TBC1D14: variants seen among roughly 807,000 people sequenced by gnomAD.
TBC1D14 encodes the protein TBC1 domain family member 14.
A neutral mutation model predicts 79.0 loss-of-function variants in TBC1D14; 26 were observed. The ratio of observed to expected loss-of-function variants is 0.33; its 90% confidence interval spans 0.24 to 0.46. The LOEUF (loss-of-function observed/expected upper bound fraction) is 0.46. Ranked by LOEUF, TBC1D14 falls within the 20% of genes least tolerant of loss-of-function variation. TBC1D14 has a pLI of 1.00. For synonymous variants in TBC1D14, 394 were observed against 349.9 expected (o/e 1.13, Z -1.40); for missense variants, 769 against 887.6 (o/e 0.87, Z 1.70).
chr4:6,938,896 C>G (rs1217803434), intron 2 of TBC1D14, among the ~76,000 whole-genome samples: 1 of 152,220 alleles, frequency 6.6e-6, no homozygotes, highest in Non-Finnish European at 1.5e-5. Context: ...CAGCCGCACT[C>G]TGAAGAGTAT....
chr4:6,947,648 T>G, intron 2 of TBC1D14, among the ~76,000 whole-genome samples: 1 of 131,356 alleles, frequency 7.6e-6, no homozygotes, highest in African/African-American at 2.8e-5. Flanking sequence ...GGCAGCAGAG[T>G]GAGATTCCGT....
intron 5 of TBC1D14, among the ~76,000 whole-genome samples, chr4:6,996,629 T>C (rs968059713): frequency 3.9e-5 from 6 of 152,024 alleles, no homozygotes; most frequent in Non-Finnish European, 7.4e-5. Flanking sequence ...GGGGGGATGT[T>C]GAGGCAGGCA....
At chr4:6,956,091 T>A (rs138910741) in intron 2 of TBC1D14, among the ~76,000 whole-genome samples, 1,811 of 152,314 alleles carry the variant, frequency 0.012, 16 homozygotes, top group Middle Eastern at 0.037. Context: ...GGTACCCACT[T>A]CCATGAGCTT....
intron 3 of TBC1D14, among the ~76,000 whole-genome samples, chr4:6,977,896 C>CTG: frequency 6.6e-6 from 1 of 151,526 alleles, no homozygotes; most frequent in African/African-American, 2.4e-5. Flanking sequence ...CCCTGCCGCC[C>CTG]CGTCTGGGAT....
At chr4:7,001,487 C>T (rs535077261) in intron 7 of TBC1D14, 6 of 490,002 alleles carry the variant, frequency 1.2e-5, no homozygotes, top group Non-Finnish European at 2.2e-5. Context: ...GCTTGGAAGA[C>T]AGGGCTTAGA....
Position 6,953,552 on chromosome 4 carries a change from A to AC in TBC1D14, c.723-13748dup, listed in dbSNP as rs1214233447. ...AGGCTGAGGCAGGAGAATGGCGTGA[A>AC]CCCCAGGGGGCGGAGCCTGCAGTGA... On this transcript the variant is annotated intron_variant, in intron 2 of 13. Coordinates refer to ENST00000409757, the MANE Select transcript of TBC1D14 (RefSeq NM_020773.3). 3.7e-5 allele frequency among the ~76,000 whole-genome samples: 5 copies of AC among 134,366 alleles called. No individual in the cohort carries two copies. The East Asian group carries it at 6.6e-4, about 18-fold the overall frequency. The allele number at this position is 134,366 out of a possible 152,430, so 88.1% of individuals were successfully genotyped here.
intron 3 of TBC1D14, among the ~76,000 whole-genome samples, chr4:6,991,743 C>CT (rs1718512971): frequency 6.6e-6 from 1 of 152,092 alleles, no homozygotes; most frequent in Non-Finnish European, 1.5e-5. Flanking sequence ...GGAGCAGCCC[C>CT]TTCGGGGGGC....
At chr4:7,029,765 C>T (rs567694225) in intron 13 of TBC1D14, among the ~76,000 whole-genome samples, 8 of 152,274 alleles carry the variant, frequency 5.3e-5, no homozygotes, top group Admixed American at 2.6e-4. Flanking sequence ...TCAGAGATTA[C>T]AGTGAGCCGA....
chr4:7,002,198 G>T lies in TBC1D14; in HGVS notation c.1270+947G>T, dbSNP rs570479961. ...GTGCGGTGTGGTCCTACAGAGGAAC[G>T]TGGGGGCCCGGAACTCCCTCTTGGC... On this transcript the variant is annotated intron_variant, in intron 7 of 13. Coordinates refer to ENST00000409757, the MANE Select transcript of TBC1D14 (RefSeq NM_020773.3). Among the ~76,000 whole-genome samples, 6 of 152,330 alleles carry T rather than the reference G, an allele frequency of 3.9e-5. No individual in the cohort carries two copies. The South Asian group carries it at 1.2e-3, about 32-fold the overall frequency.
chr4:6,948,643 C>T (rs917105765), intron 2 of TBC1D14, among the ~76,000 whole-genome samples: 2 of 151,618 alleles, frequency 1.3e-5, no homozygotes, highest in South Asian at 4.2e-4. Context: ...TTGATCCTTC[C>T]GAAAGGTGAT....
intron 13 of TBC1D14, among the ~76,000 whole-genome samples, chr4:7,028,098 A>G (rs1465542965): frequency 6.8e-6 from 1 of 146,828 alleles, no homozygotes; most frequent in Non-Finnish European, 1.5e-5. Flanking sequence ...ACATACACCT[A>G]TCACAGCCCC....
intron 11 of TBC1D14, among the ~76,000 whole-genome samples, chr4:7,013,277 G>C (rs1348224584): frequency 6.6e-6 from 1 of 152,220 alleles, no homozygotes; most frequent in African/African-American, 2.4e-5. Flanking sequence ...ACCTGCCCCC[G>C]GTTATGACGA....
At chr4:7,028,174 A>T (rs1205130406) in intron 13 of TBC1D14, among the ~76,000 whole-genome samples, 1 of 151,954 alleles carries the variant, frequency 6.6e-6, no homozygotes, top group Non-Finnish European at 1.5e-5. Context: ...CCTCACATGC[A>T]CATACACACC....
chr4:6,977,695 CCA>C, intron 3 of TBC1D14, among the ~76,000 whole-genome samples: 1 of 127,624 alleles, frequency 7.8e-6, no homozygotes, highest in Non-Finnish European at 1.7e-5. Context: ...TGCCAGGCCG[CCA>C]TCCCATCTAG....
At chr4:6,927,919 G>T (rs1276007491) in intron 2 of TBC1D14, among the ~76,000 whole-genome samples, 1 of 152,226 alleles carries the variant, frequency 6.6e-6, no homozygotes, top group Non-Finnish European at 1.5e-5. Flanking sequence ...GATCATATGA[G>T]CCCAGTGTAG....
At chr4:6,960,081 CTTTTT>C (rs10623660) in intron 2 of TBC1D14, among the ~76,000 whole-genome samples, 1 of 131,304 alleles carries the variant, frequency 7.6e-6, no homozygotes, top group Non-Finnish European at 1.6e-5. Flanking sequence ...CCCTGTGCCC[CTTTTT>C]TTTTTTTTTT....
At chr4:7,023,069 G>A (rs1248342155) in intron 12 of TBC1D14, among the ~76,000 whole-genome samples, 1 of 152,074 alleles carries the variant, frequency 6.6e-6, no homozygotes, top group Non-Finnish European at 1.5e-5. Flanking sequence ...GCCGGGCCAA[G>A]ATGGTGAAAC....
At chr4:6,934,475 A>C (rs532239858) in intron 2 of TBC1D14, among the ~76,000 whole-genome samples, 1 of 152,078 alleles carries the variant, frequency 6.6e-6, no homozygotes, top group Non-Finnish European at 1.5e-5. Flanking sequence ...CCTGGCCAAC[A>C]TGGTGAAACC....
chr4:7,003,478 T>TA (rs1337273090), intron 7 of TBC1D14, among the ~76,000 whole-genome samples: 2 of 152,238 alleles, frequency 1.3e-5, no homozygotes, highest in African/African-American at 4.8e-5. Context: ...CGTGCTGAGT[T>TA]ACTGCTTTGG....
Sources: allele counts gnomAD v4.1 joint callset (sites outside exome capture counted in the v4.1 genomes callset), GRCh38; gene constraint gnomAD v4.1.1; transcripts MANE v1.5; gene names NCBI Gene and HGNC (gene_info 2026-07-23, HGNC 2026-07-21).